FNIP1: variants seen among roughly 807,000 people sequenced by gnomAD.
The protein encoded by FNIP1 is folliculin interacting protein 1.
Under a neutral mutation model 124.5 loss-of-function variants are expected in FNIP1, and 40 were observed. The ratio of observed to expected loss-of-function variants is 0.32; its 90% confidence interval spans 0.25 to 0.42. The LOEUF (loss-of-function observed/expected upper bound fraction) is 0.42, where lower values mean the gene tolerates loss of function less well. FNIP1 is among the 10% of genes least tolerant of loss of function. FNIP1 has a pLI of 1.00. For synonymous variants in FNIP1, 472 were observed against 470.6 expected, an observed-to-expected ratio of 1.00 and a Z score of -0.04; for missense variants, 1,176 against 1,403.7, an observed-to-expected ratio of 0.84 and a Z score of 2.59.
intron 11 of FNIP1, among the ~76,000 whole-genome samples, chr5:131,698,366 A>G (rs974256711): frequency 6.6e-6 from 1 of 152,168 alleles, no homozygotes; most frequent in African/African-American, 2.4e-5. Context: ...CCAACATAAC[A>G]TCATTTGTAG....
At chr5:131,729,925 G>C (rs949112432) in intron 3 of FNIP1, among the ~76,000 whole-genome samples, 1 of 151,666 alleles carries the variant, frequency 6.6e-6, no homozygotes, top group African/African-American at 2.4e-5. Flanking sequence ...ATTTTTAGTA[G>C]AGATAGGGTT....
At chr5:131,772,078 C>G (rs1771653277) in intron 1 of FNIP1, among the ~76,000 whole-genome samples, 1 of 152,118 alleles carries the variant, frequency 6.6e-6, no homozygotes, top group Non-Finnish European at 1.5e-5. Flanking sequence ...AAATACACTA[C>G]TGATACATGG....
At chr5:131,699,395 C>CTTTT (rs1230600109) in intron 10 of FNIP1, among the ~76,000 whole-genome samples, 3 of 136,014 alleles carry the variant, frequency 2.2e-5, no homozygotes, top group South Asian at 2.3e-4. Context: ...CTGTTAACTC[C>CTTTT]TTTTTTTTTT....
At chr5:131,710,288 T>C (rs1285166781) in intron 7 of FNIP1, among the ~76,000 whole-genome samples, 2 of 152,148 alleles carry the variant, frequency 1.3e-5, no homozygotes, top group Non-Finnish European at 2.9e-5. Flanking sequence ...AGAAATAAAG[T>C]TCATATTAAG....
At chr5:131,682,911 T>C (rs1017623602) in intron 11 of FNIP1, among the ~76,000 whole-genome samples, 4 of 152,276 alleles carry the variant, frequency 2.6e-5, no homozygotes, top group Non-Finnish European at 5.9e-5. Context: ...GGGAGGAAAC[T>C]GTAGGCATGA....
intron 1 of FNIP1, among the ~76,000 whole-genome samples, chr5:131,747,731 A>T (rs1434695853): frequency 6.6e-6 from 1 of 152,166 alleles, no homozygotes; most frequent in African/African-American, 2.4e-5. Context: ...AGTGAATAGG[A>T]GCAGAGAAAA....
At chr5:131,795,199 A>ATAAT (rs1772542502) in intron 1 of FNIP1, among the ~76,000 whole-genome samples, 1 of 152,302 alleles carries the variant, frequency 6.6e-6, no homozygotes, top group Non-Finnish European at 1.5e-5. Flanking sequence ...GGGCTTACAG[A>ATAAT]TAATTCTTAC....
chr5:131,690,758 T>C (rs1193573522), intron 11 of FNIP1, among the ~76,000 whole-genome samples: 1 of 152,184 alleles, frequency 6.6e-6, no homozygotes, highest in Non-Finnish European at 1.5e-5. Flanking sequence ...GTGAAAATTA[T>C]CAGAGATAAA....
chr5:131,781,800 G>A (rs1436983749), intron 1 of FNIP1, among the ~76,000 whole-genome samples: 1 of 152,090 alleles, frequency 6.6e-6, no homozygotes, highest in Non-Finnish European at 1.5e-5. Flanking sequence ...GGATCAAGGA[G>A]TAATTCTGAC....
intron 10 of FNIP1, 124 bp downstream of exon 10, chr5:131,703,941 C>A: frequency 1.3e-6 from 1 of 758,490 alleles, no homozygotes; most frequent in Non-Finnish European, 2.1e-6. Flanking sequence ...TTGCATCCAC[C>A]AGAGCACTTT....
chr5:131,715,356 C>G (rs1242042077), intron 6 of FNIP1, among the ~76,000 whole-genome samples: 1 of 151,982 alleles, frequency 6.6e-6, no homozygotes, highest in Non-Finnish European at 1.5e-5. Flanking sequence ...TGTGATGGCG[C>G]GTGCCTGCAG....
At chr5:131,674,408 T>A (rs889092193) in intron 13 of FNIP1, among the ~76,000 whole-genome samples, 2 of 152,158 alleles carry the variant, frequency 1.3e-5, no homozygotes, top group African/African-American at 4.8e-5. Flanking sequence ...ACCAGTAATT[T>A]CAGTGCCAAA....
At chr5:131,661,054 C>T (rs905672678) in intron 15 of FNIP1, among the ~76,000 whole-genome samples, 4 of 152,098 alleles carry the variant, frequency 2.6e-5, no homozygotes, top group South Asian at 2.1e-4. Context: ...GCCCCTTTGG[C>T]GGTTTCAATT....
intron 2 of FNIP1, among the ~76,000 whole-genome samples, chr5:131,737,630 A>C (rs1770357735): frequency 6.6e-6 from 1 of 152,182 alleles, no homozygotes; most frequent in Non-Finnish European, 1.5e-5. Context: ...TAACCTCTTT[A>C]TCTATAAATC....
chr5:131,657,145 A>C (rs1441004798), intron 15 of FNIP1, among the ~76,000 whole-genome samples: 1 of 151,162 alleles, frequency 6.6e-6, no homozygotes, highest in Non-Finnish European at 1.5e-5. Context: ...CTGGGACTAC[A>C]GGCACCTGCC....
At chr5:131,729,191 C>T (rs897024293) in intron 3 of FNIP1, among the ~76,000 whole-genome samples, 1 of 152,174 alleles carries the variant, frequency 6.6e-6, no homozygotes, top group African/African-American at 2.4e-5. Context: ...GTAGTCTGTC[C>T]CTTACCAGAG....
At chr5:131,718,609 C>A (rs1769549164) in intron 5 of FNIP1, among the ~76,000 whole-genome samples, 1 of 152,154 alleles carries the variant, frequency 6.6e-6, no homozygotes, top group Admixed American at 6.6e-5. Context: ...GTATGGCTGA[C>A]CTAGGTCAGT....
chr5:131,768,868 C>T (rs1771532117), intron 1 of FNIP1, among the ~76,000 whole-genome samples: 1 of 152,056 alleles, frequency 6.6e-6, no homozygotes, highest in Non-Finnish European at 1.5e-5. Context: ...ATTACTAATT[C>T]AAATTATTTA....
intron 15 of FNIP1, among the ~76,000 whole-genome samples, chr5:131,663,020 GGTGTGA>G (rs1767489223): frequency 6.6e-6 from 1 of 152,138 alleles, no homozygotes; most frequent in Non-Finnish European, 1.5e-5. Flanking sequence ...TGGGATTACA[GGTGTGA>G]GCCACCGCGG....
Sources: allele counts gnomAD v4.1 joint callset (sites outside exome capture counted in the v4.1 genomes callset), GRCh38; gene constraint gnomAD v4.1.1; transcripts MANE v1.5; gene names NCBI Gene and HGNC (gene_info 2026-07-23, HGNC 2026-07-21).